Variants in ACSL1 observed in about 807,000 individuals in gnomAD.
ACSL1 encodes the protein acyl-CoA synthetase long chain family member 1, also known as long-chain-fatty-acid--CoA ligase 1.
A neutral mutation model predicts 98.4 loss-of-function variants in ACSL1; 41 were observed. The observed-to-expected ratio is 0.42, with a 90% confidence interval of 0.32 to 0.54. ACSL1 has a LOEUF of 0.54. ACSL1 is among the 20% of genes least tolerant of loss of function. The pLI, the probability that ACSL1 is intolerant of heterozygous loss-of-function variation, is 0.13. For synonymous variants in ACSL1, 316 were observed against 322.7 expected (o/e 0.98, Z 0.22); for missense variants, 734 against 883.1 (o/e 0.83, Z 2.14).
At position 184,768,497 on chromosome 4, in the gene ACSL1, G is replaced by T. The variant is rs773044843; in HGVS notation, c.994-47C>A. 5.1e-6 allele frequency: 8 copies of T among 1,577,796 alleles called. No individual in the cohort carries two copies. In the South Asian group the frequency reaches 7.2e-5, roughly 14 times the overall value. Reference sequence around the variant, plus strand: ...CAAACATTTTATCACCACAGCAGGGGTTACACAACATATGGACAACATCCA... The same window carrying T: ...CAAACATTTTATCACCACAGCAGGGTTTACACAACATATGGACAACATCCA... On this transcript the variant is annotated intron_variant, in intron 11 of 20. Coordinates refer to ENST00000281455, the MANE Select transcript of ACSL1 (RefSeq NM_001995.5).
At chr4:184,794,651 C>T (rs1242032517) in intron 2 of ACSL1, among the ~76,000 whole-genome samples, 1 of 152,194 alleles carries the variant, frequency 6.6e-6, no homozygotes, top group African/African-American at 2.4e-5. Flanking sequence ...CCCATGTCCA[C>T]CACATAGTGG....
rs550216466 is a variant in ACSL1 at position 184,814,168 on chromosome 4, G to A, written c.-32-10622C>T. Among the ~76,000 whole-genome samples, 95 of 151,974 alleles carry A rather than the reference G, an allele frequency of 6.3e-4. 2 individuals are homozygous for A. The South Asian group carries it at 0.019, about 30-fold the overall frequency. The stretch of plus-strand genomic sequence containing the variant: ...TAGCCATGCATGGTGGTGGGCTCCT[G>A]TAGTCCCAGCTACTCGGGAGGCTGA... On this transcript the variant is annotated intron_variant, in intron 1 of 20. Coordinates refer to ENST00000281455, the MANE Select transcript of ACSL1 (RefSeq NM_001995.5).
intron 11 of ACSL1, among the ~76,000 whole-genome samples, chr4:184,769,095 AGCCTTCCAGAAACTT>A (rs1764105317): frequency 7.0e-6 from 1 of 143,632 alleles, no homozygotes; most frequent in Non-Finnish European, 1.5e-5. Flanking sequence ...ATATATATAT[AGCCTTCCAGAAACTT>A]TACATTTAAT....
chr4:184,757,166 T>G lies in ACSL1; in HGVS notation c.2056A>C (p.Arg686=), dbSNP rs1411561764. ...GAATAGAGGTCATCTATCTGCGACCTGAAATAGTTCCGCAGCTCTGGCCTT... is the reference window on the plus strand; with the variant it reads ...GAATAGAGGTCATCTATCTGCGACCGGAAATAGTTCCGCAGCTCTGGCCTT... ...AKRPELRNYF[R]SQIDDLYSTI... Residue 686 remains arginine, a synonymous_variant, in exon 21 of 21, where the codon AGG becomes CGG. Coordinates refer to ENST00000281455, the MANE Select transcript of ACSL1 (RefSeq NM_001995.5). The surrounding 1 kb of genome is among the most constrained non-coding windows in gnomAD (Gnocchi z 4.5). 5.6e-6 allele frequency: 9 copies of G among 1,608,870 alleles called. No individual in the cohort carries two copies. In the South Asian group the frequency reaches 7.7e-5, roughly 14 times the overall value.
intron 1 of ACSL1, among the ~76,000 whole-genome samples, chr4:184,823,078 A>G (rs997700579): frequency 1.3e-5 from 2 of 152,212 alleles, no homozygotes; most frequent in African/African-American, 2.4e-5. Flanking sequence ...AGCTCTGGCC[A>G]CTGAGAATTC....
chr4:184,813,571 C>T (rs1192756342), intron 1 of ACSL1: 1 of 251,236 alleles, frequency 4.0e-6, no homozygotes, highest in East Asian at 8.8e-5. Context: ...AATTGTGTCT[C>T]TATGACCGCA....
chr4:184,784,205 G>A (rs960907799), intron 3 of ACSL1, among the ~76,000 whole-genome samples: 1 of 152,102 alleles, frequency 6.6e-6, no homozygotes, highest in Admixed American at 6.6e-5. Flanking sequence ...TTTAAGTGGG[G>A]CAGGAGAGGG....
At position 184,784,267 on chromosome 4, in the gene ACSL1, G is replaced by C. The variant is rs6835270; in HGVS notation, c.311-276C>G. Among the ~76,000 whole-genome samples, 703 of 152,290 alleles carry C rather than the reference G, an allele frequency of 4.6e-3. 7 individuals carry two copies. The highest frequency in any genetic ancestry group is 0.016 in the African/African-American group (675 of 41,568). The stretch of plus-strand genomic sequence containing the variant: ...CAACTCTTAAGGGCACTTAATTTGT[G>C]ATTCCTCTTTAACACCCTACTGGTT... On this transcript the variant is annotated intron_variant, in intron 3 of 20. Transcript: ENST00000281455.
chr4:184,756,033 T>C lies in ACSL1; in HGVS notation c.*1092A>G, dbSNP rs945224507. The stretch of plus-strand genomic sequence containing the variant: ...ATTTTGGCTTGTCAAACACATTTCA[T>C]AGAAATCAGGTAGCATTATAAGAAC... On this transcript the variant is annotated 3_prime_UTR_variant, in exon 21 of 21. Transcript: ENST00000281455. 4 of 152,316 alleles carry C rather than the reference T, an allele frequency of 2.6e-5. No individual in the cohort carries two copies. Among genetic ancestry groups the C allele is most frequent in the African/African-American group, 9.6e-5 (4 of 41,470 alleles). The allele number at this position is 152,316 out of a possible 1,614,324, so 9.4% of individuals were successfully genotyped here. A position where few individuals can be genotyped will look rare whatever the true frequency, so the allele number is the denominator to read the frequency against.
chr4:184,811,138 T>C (rs1408747256), intron 1 of ACSL1, among the ~76,000 whole-genome samples: 1 of 152,068 alleles, frequency 6.6e-6, no homozygotes, highest in Non-Finnish European at 1.5e-5. Flanking sequence ...AGACAGAGTC[T>C]CACTTTGTCG....
chr4:184,800,827 G>A (rs1050263459), intron 2 of ACSL1, among the ~76,000 whole-genome samples: 1 of 152,196 alleles, frequency 6.6e-6, no homozygotes, highest in African/African-American at 2.4e-5. Context: ...TGACCAGCAT[G>A]AGTGTTAACC....
chr4:184,780,464 C>A, intron 4 of ACSL1, 31 bp from the exon 5 acceptor site: 1 of 1,564,408 alleles, frequency 6.4e-7, no homozygotes, highest in African/African-American at 1.3e-5. Context: ...TCAGAAGCAG[C>A]ATTGGGCCCC....
intron 15 of ACSL1, 131 bp downstream of exon 15, chr4:184,764,722 C>T: frequency 1.3e-6 from 1 of 795,072 alleles, no homozygotes. Context: ...CCCCCAGAGC[C>T]TAATGATCAG....
At chr4:184,779,338 G>A (rs887046764) in intron 5 of ACSL1, among the ~76,000 whole-genome samples, 2 of 152,062 alleles carry the variant, frequency 1.3e-5, no homozygotes, top group African/African-American at 4.8e-5. Flanking sequence ...TTCTCTTGCC[G>A]CCACCATGTA....
In ACSL1 at chr4:184,773,559, C is replaced by G; in HGVS notation, c.841+104G>C. 1 of 1,113,566 alleles carries G rather than the reference C, an allele frequency of 9.0e-7. No individual in the cohort carries two copies. The highest frequency in any genetic ancestry group is 1.5e-5 in the South Asian group (1 of 66,450). 69.0% of individuals were successfully genotyped at this position (1,113,566 alleles called of 1,614,324 possible). On this transcript the variant is annotated intron_variant, in intron 9 of 20. Transcript: ENST00000281455. This position sits in a 1 kb window ranked among gnomAD's most constrained non-coding sequence, Gnocchi z 4.3. Reference sequence around the variant, plus strand: ...ACTTGAACCGCTTCCTTCTCTTCTGCTTTTGGTCCGTCTACTGTTAGCTGA... The same window carrying G: ...ACTTGAACCGCTTCCTTCTCTTCTGGTTTTGGTCCGTCTACTGTTAGCTGA...
intron 1 of ACSL1, among the ~76,000 whole-genome samples, chr4:184,823,516 C>T (rs1374737261): frequency 1.3e-5 from 2 of 152,138 alleles, no homozygotes; most frequent in African/African-American, 2.4e-5. Flanking sequence ...TATAGTCTTG[C>T]TATTTCCAGA....
At chr4:184,788,760 G>C (rs1437806637) in intron 2 of ACSL1, 29 bp from the exon 3 acceptor site, 6 of 1,577,276 alleles carry the variant, frequency 3.8e-6, no homozygotes, top group Non-Finnish European at 5.2e-6. Context: ...GGGCAGGTTA[G>C]AAGGCAGTGA....
chr4:184,778,466 C>A (rs1765666652), intron 5 of ACSL1, among the ~76,000 whole-genome samples: 1 of 152,206 alleles, frequency 6.6e-6, no homozygotes, highest in Non-Finnish European at 1.5e-5. Flanking sequence ...CACTCCCAGA[C>A]ACAGGTGTGA....
At chr4:184,809,659 G>A (rs564959164) in intron 1 of ACSL1, among the ~76,000 whole-genome samples, 230 of 152,226 alleles carry the variant, frequency 1.5e-3, no homozygotes, top group Non-Finnish European at 2.7e-3. Flanking sequence ...AGCCAGGCGT[G>A]GTGGCAGGCG....
Sources: allele counts gnomAD v4.1 joint callset (sites outside exome capture counted in the v4.1 genomes callset), GRCh38; gene constraint gnomAD v4.1.1; non-coding constraint Gnocchi (gnomAD v3.1); transcripts MANE v1.5; gene names NCBI Gene and HGNC (gene_info 2026-07-23, HGNC 2026-07-21).